Variants in PTPRN2 observed in about 807,000 individuals in gnomAD.
PTPRN2 encodes the protein protein tyrosine phosphatase receptor type N2.
Under a neutral mutation model 118.8 loss-of-function variants are expected in PTPRN2, and 74 were observed. The ratio of observed to expected loss-of-function variants is 0.62; its 90% CI spans 0.52 to 0.76. PTPRN2 has a LOEUF of 0.76. Ranked by LOEUF, PTPRN2 falls within the 30% of genes least tolerant of loss-of-function variation. The pLI, the probability that PTPRN2 is intolerant of heterozygous loss-of-function variation, is 0.00. For synonymous variants in PTPRN2, 641 were observed against 608.0 expected, an observed-to-expected ratio of 1.05 and a Z score of -0.80; for missense variants, 1,481 against 1,394.4, an observed-to-expected ratio of 1.06 and a Z score of -0.99.
At chr7:158,532,903 TC>T in intron 1 of PTPRN2, 1 of 487,782 alleles carries the variant, frequency 2.1e-6, no homozygotes. Context: ...ACGGCCAGGC[TC>T]CACCACACCT....
At chr7:158,295,958 G>A (rs1415214343) in intron 3 of PTPRN2, among the ~76,000 whole-genome samples, 1 of 152,248 alleles carries the variant, frequency 6.6e-6, no homozygotes, top group Admixed American at 6.5e-5. Context: ...GTCTGAGATG[G>A]TTGCTTAGTT....
At chr7:158,556,955 C>G (rs945614929) in intron 1 of PTPRN2, among the ~76,000 whole-genome samples, 3 of 148,020 alleles carry the variant, frequency 2.0e-5, no homozygotes, top group Non-Finnish European at 3.0e-5. Flanking sequence ...CACTCCCACG[C>G]AGGTCAGGTG....
chr7:158,419,744 C>G (rs1251230528), intron 2 of PTPRN2, among the ~76,000 whole-genome samples: 1 of 152,184 alleles, frequency 6.6e-6, no homozygotes, highest in East Asian at 1.9e-4. Flanking sequence ...TTTCTAAGAT[C>G]ACACGTGATG....
intron 11 of PTPRN2, among the ~76,000 whole-genome samples, chr7:157,950,736 C>A (rs189097598): frequency 6.6e-6 from 1 of 152,130 alleles, no homozygotes; most frequent in East Asian, 1.9e-4. Context: ...GCAAGGTCTG[C>A]GTGGAGTGAA....
chr7:157,829,158 C>T (rs960552567), intron 12 of PTPRN2, among the ~76,000 whole-genome samples: 1 of 152,242 alleles, frequency 6.6e-6, no homozygotes, highest in African/African-American at 2.4e-5. Flanking sequence ...ATAAGGACAA[C>T]TAAATTTGTT....
chr7:157,994,912 T>TA lies in PTPRN2; in HGVS notation c.1723+86385dup, dbSNP rs1214490111. ...TCCCCAGCTTACAACTCCTTGTTCC[T>TA]AAATCAACGCTGCGTCCCCAGCTTA... On this transcript the variant is annotated intron_variant, in intron 11 of 22. Coordinates refer to ENST00000389418, the MANE Select transcript of PTPRN2 (RefSeq NM_002847.5). Among the ~76,000 whole-genome samples the TA allele has an allele frequency of 1.3e-3, 15 of 11,370 alleles. 4 individuals are homozygous for TA. Among genetic ancestry groups the TA allele is most frequent in the Non-Finnish European group, 2.0e-3 (12 of 5,928 alleles). 7.5% of individuals were successfully genotyped at this position (11,370 alleles called of 152,430 possible). A position where few individuals can be genotyped will look rare whatever the true frequency, so the allele number is the denominator to read the frequency against.
At chr7:158,037,789 A>G (rs1808188876) in intron 11 of PTPRN2, among the ~76,000 whole-genome samples, 1 of 152,230 alleles carries the variant, frequency 6.6e-6, no homozygotes, top group East Asian at 1.9e-4. Flanking sequence ...TGATTTTAGA[A>G]TAAGGGACAT....
At chr7:157,634,119 C>T (rs1319266593) in intron 14 of PTPRN2, among the ~76,000 whole-genome samples, 1 of 151,910 alleles carries the variant, frequency 6.6e-6, no homozygotes, top group Non-Finnish European at 1.5e-5. Context: ...GCTCATCTGA[C>T]CTGCCCTTCC....
chr7:157,573,427 C>T (rs1799857849), intron 19 of PTPRN2, among the ~76,000 whole-genome samples: 1 of 152,214 alleles, frequency 6.6e-6, no homozygotes, highest in South Asian at 2.1e-4. Context: ...TTTCACACCT[C>T]GTGGTCCACT....
chr7:157,671,469 C>T lies in PTPRN2; in HGVS notation c.2001+11256G>A, dbSNP rs371638711. Among the ~76,000 whole-genome samples, 36 of 151,756 alleles carry T rather than the reference C, an allele frequency of 2.4e-4. No individual in the cohort carries two copies. The highest frequency in any genetic ancestry group is 3.4e-3 in the Middle Eastern group (1 of 294). ...CGGGCTGAGATGGAAGCTCAGGGGA[C>T]GGGGGTCTGCACAGGGCTGGACAGA... On this transcript the variant is annotated intron_variant, in intron 13 of 22. Transcript: ENST00000389418. This position sits in a 1 kb window ranked among gnomAD's most constrained non-coding sequence, Gnocchi z 4.1.
chr7:157,562,666 ATGTGCTCC>A (rs1392154570), intron 21 of PTPRN2, among the ~76,000 whole-genome samples: 32 of 151,844 alleles, frequency 2.1e-4, no homozygotes, highest in African/African-American at 6.8e-4. Context: ...GATCAGGACC[ATGTGCTCC>A]CGCGTCACCA....
chr7:158,089,651 G>A (rs1192416789), intron 10 of PTPRN2, among the ~76,000 whole-genome samples: 21 of 129,816 alleles, frequency 1.6e-4, no homozygotes, highest in South Asian at 5.0e-4. Flanking sequence ...TTCCCCTGAT[G>A]AAAGGGGGAG....
In PTPRN2 at chr7:158,379,357, C is replaced by T. The variant is rs548251815; in HGVS notation, c.164-62425G>A. ...CCCACCTTCATAGATGGTGTCTGTT[C>T]AGTAAATGTTTGATGAAAGCAAAGA... is the stretch of plus-strand genomic sequence containing the variant. On this transcript the variant is annotated intron_variant, in intron 2 of 22. Coordinates refer to ENST00000389418, the MANE Select transcript of PTPRN2 (RefSeq NM_002847.5). Among the ~76,000 whole-genome samples, 5 of 151,860 alleles carry T rather than the reference C, an allele frequency of 3.3e-5. No homozygotes were observed. The East Asian group carries it at 9.7e-4, about 29-fold the overall frequency.
At chr7:158,567,483 C>A (rs930965525) in intron 1 of PTPRN2, among the ~76,000 whole-genome samples, 5 of 152,234 alleles carry the variant, frequency 3.3e-5, no homozygotes, top group African/African-American at 1.2e-4. Context: ...AAGGCTGAGA[C>A]TCAGCAGGCT....
At chr7:157,823,938 GAGAC>G (rs1375073939) in intron 12 of PTPRN2, among the ~76,000 whole-genome samples, 4 of 152,168 alleles carry the variant, frequency 2.6e-5, no homozygotes, top group Admixed American at 1.3e-4. Flanking sequence ...AGCTGGGTAT[GAGAC>G]AGACAGAGAA....
At chr7:158,556,970 CCG>C in intron 1 of PTPRN2, among the ~76,000 whole-genome samples, 5 of 147,364 alleles carry the variant, frequency 3.4e-5, no homozygotes, top group African/African-American at 1.0e-4. Context: ...CAGGTGGCTC[CCG>C]CACAGGTCAG....
At position 157,801,010 on chromosome 7, in the gene PTPRN2, CATATACACACACATAT is replaced by C. The variant is rs1805251165; in HGVS notation, c.1788+97647_1788+97662del. Among the ~76,000 whole-genome samples, 1 of 150,396 alleles carries C rather than the reference CATATACACACACATAT, an allele frequency of 6.6e-6. No homozygotes were observed. The highest frequency in any genetic ancestry group is 6.7e-5 in the Admixed American group (1 of 14,972). On this transcript the variant is annotated intron_variant, in intron 12 of 22. Coordinates refer to ENST00000389418, the MANE Select transcript of PTPRN2 (RefSeq NM_002847.5). The surrounding 1 kb of genome is among the most constrained non-coding windows in gnomAD (Gnocchi z 4.2). Reference sequence around the variant, plus strand: ...ACACACATATATATACACACATATACATATACACACACATATATATACACATATATATACACATATA... The same window carrying C: ...ACACACATATATATACACACATATACATATACACATATATATACACATATA...
At chr7:158,554,265 A>AAAC (rs142969332) in intron 1 of PTPRN2, among the ~76,000 whole-genome samples, 3 of 152,306 alleles carry the variant, frequency 2.0e-5, no homozygotes, top group South Asian at 4.1e-4. Context: ...ACTCCGTCTC[A>AAAC]AACAACAACA....
chr7:158,253,733 G>T (rs896165498), intron 3 of PTPRN2, among the ~76,000 whole-genome samples: 1 of 152,224 alleles, frequency 6.6e-6, no homozygotes, highest in African/African-American at 2.4e-5. Context: ...CTAATGGTGA[G>T]GAAGGAAATT....
Sources: gnomAD v4.1 joint callset for allele counts (sites outside exome capture counted in the v4.1 genomes callset) on GRCh38, gnomAD v4.1.1 for gene constraint, Gnocchi (gnomAD v3.1) non-coding constraint, MANE v1.5 for transcripts, NCBI Gene and HGNC (gene_info 2026-07-23, HGNC 2026-07-21) for gene names.